Variants in PCDHGB1 observed in about 807,000 individuals in gnomAD.
PCDHGB1 encodes the protein protocadherin gamma-B1.
Under a neutral mutation model 56.6 loss-of-function variants are expected in PCDHGB1, and 34 were observed. The observed-to-expected ratio is 0.60, with a 90% CI of 0.46 to 0.80. The LOEUF is 0.80. Ranked by LOEUF, PCDHGB1 falls within the 30% of genes least tolerant of loss-of-function variation. The pLI, the probability that PCDHGB1 is intolerant of heterozygous loss-of-function variation, is 0.00. For synonymous variants in PCDHGB1, 561 were observed against 505.9 expected (o/e 1.11, Z -1.46); for missense variants, 1,278 against 1,204.6 (o/e 1.06, Z -0.90).
At chr5:141,418,894 A>G (rs200182481) in intron 1 of PCDHGB1, 2 of 1,614,004 alleles carry the variant, frequency 1.2e-6, no homozygotes, top group East Asian at 4.5e-5. Context: ...ACAACAGCCC[A>G]GAAATAATCA....
At chr5:141,492,216 C>T (rs1163022229) in intron 1 of PCDHGB1, among the ~76,000 whole-genome samples, 1 of 152,140 alleles carries the variant, frequency 6.6e-6, no homozygotes, top group Non-Finnish European at 1.5e-5. Context: ...GCGCGGGGCT[C>T]ATGCGTGTCC....
intron 1 of PCDHGB1, among the ~76,000 whole-genome samples, chr5:141,456,306 G>A (rs937409031): frequency 4.6e-5 from 7 of 152,158 alleles, no homozygotes; most frequent in Admixed American, 2.6e-4. Context: ...GAGAACAGCA[G>A]CTAGGGCTCC....
chr5:141,471,080 C>T (rs2099249652), intron 1 of PCDHGB1, among the ~76,000 whole-genome samples: 1 of 147,610 alleles, frequency 6.8e-6, no homozygotes, highest in African/African-American at 2.5e-5. Context: ...ACAGGGTCTC[C>T]CTCTGTTGTC....
chr5:141,478,420 C>A, intron 1 of PCDHGB1: 1 of 1,613,676 alleles, frequency 6.2e-7, no homozygotes, highest in Non-Finnish European at 8.5e-7. Context: ...ACTCCCGCCG[C>A]AGCGACCCGC....
chr5:141,420,336 T>C, intron 1 of PCDHGB1: 1 of 1,399,186 alleles, frequency 7.1e-7, no homozygotes, highest in East Asian at 2.5e-5. Flanking sequence ...TATTCCAATA[T>C]AGTGGTATTA....
chr5:141,489,900 A>G lies in PCDHGB1; in HGVS notation c.2410-4907A>G, dbSNP rs963522810. The stretch of plus-strand genomic sequence containing the variant: ...TTACTGCTGTGGATGGGGGGACCCC[A>G]GCCCGCTCAGGGACCACCCTTATCT... On this transcript the variant is annotated intron_variant, in intron 1 of 3. Transcript: ENST00000523390. The surrounding 1 kb of genome is among the most constrained non-coding windows in gnomAD (Gnocchi z 4.5). The G allele has an allele frequency of 1.9e-6, 3 of 1,614,254 alleles. No homozygotes were observed. The highest frequency in any genetic ancestry group is 1.7e-5 in the Admixed American group (1 of 60,026).
At chr5:141,478,483 G>A in intron 1 of PCDHGB1, 13 of 1,613,548 alleles carry the variant, frequency 8.1e-6, no homozygotes, top group Non-Finnish European at 1.1e-5. Flanking sequence ...AGAACACGCT[G>A]CGGAGCTGTG....
At position 141,455,301 on chromosome 5, in the gene PCDHGB1, T is replaced by G. The variant is rs192443408; in HGVS notation, c.2410-39506T>G. Among the ~76,000 whole-genome samples, 191 of 152,308 alleles carry G rather than the reference T, an allele frequency of 1.3e-3. 1 individual carries two copies. Among genetic ancestry groups the G allele is most frequent in the African/African-American group, 4.4e-3 (181 of 41,566 alleles). On this transcript the variant is annotated intron_variant, in intron 1 of 3. Transcript: ENST00000523390. ...AACATCACTTTACATAGTTTCATCT[T>G]GCATTAGCAATTTTGTGTGTGTGTT...
Position 141,387,642 on chromosome 5 carries a change from C to G in PCDHGB1, c.2409+34973C>G, listed in dbSNP as rs554256672. The G allele has an allele frequency of 4.8e-6, 3 of 622,368 alleles. No homozygotes were observed. In the Admixed American group the frequency reaches 1.0e-4, roughly 21 times the overall value. The allele number at this position is 622,368 out of a possible 1,614,324, so 38.6% of individuals were successfully genotyped here. A position where few individuals can be genotyped will look rare whatever the true frequency, so the allele number is the denominator to read the frequency against. On this transcript the variant is annotated intron_variant, in intron 1 of 3. Transcript: ENST00000523390. Reference sequence around the variant, plus strand: ...TGCTGACTCTGGGCGCCGCTGTTGGCCAAAGTGGAGAGCTTGGCGCTCCAG... The same window carrying G: ...TGCTGACTCTGGGCGCCGCTGTTGGGCAAAGTGGAGAGCTTGGCGCTCCAG...
intron 1 of PCDHGB1, chr5:141,372,773 T>A: frequency 6.2e-7 from 1 of 1,610,720 alleles, no homozygotes; most frequent in East Asian, 2.2e-5. Flanking sequence ...GTAATGACAA[T>A]CCAGAAATGC....
At chr5:141,428,750 C>G (rs1282306626) in intron 1 of PCDHGB1, 1 of 154,730 alleles carries the variant, frequency 6.5e-6, no homozygotes, top group African/African-American at 2.4e-5. Flanking sequence ...ACTATTGCTT[C>G]AGGTTTGTTT....
At chr5:141,479,023 GT>G (rs1436478867) in intron 1 of PCDHGB1, among the ~76,000 whole-genome samples, 1 of 152,056 alleles carries the variant, frequency 6.6e-6, no homozygotes, top group Non-Finnish European at 1.5e-5. Context: ...ATTTTCCTTT[GT>G]TTATACAGAT....
intron 1 of PCDHGB1, chr5:141,362,563 T>C: frequency 6.2e-7 from 1 of 1,608,274 alleles, no homozygotes; most frequent in Non-Finnish European, 8.5e-7. Context: ...GAAGGTGAGC[T>C]TTAATTAATT....
At chr5:141,362,524 G>GGGGT in intron 1 of PCDHGB1, 1 of 1,613,964 alleles carries the variant, frequency 6.2e-7, no homozygotes, top group Non-Finnish European at 8.5e-7. Flanking sequence ...TGGAGCCGCT[G>GGGGT]GGGTCCCTTT....
Position 141,432,292 on chromosome 5 carries a change from T to C in PCDHGB1, c.2410-62515T>C, listed in dbSNP as rs1339412798. 2 of 1,614,078 alleles carry C rather than the reference T, an allele frequency of 1.2e-6. No individual in the cohort carries two copies. The highest frequency in any genetic ancestry group is 2.2e-5 in the East Asian group (1 of 44,888). On this transcript the variant is annotated intron_variant, in intron 1 of 3. Coordinates refer to ENST00000523390, the MANE Select transcript of PCDHGB1 (RefSeq NM_018922.3). The surrounding 1 kb of genome is among the most constrained non-coding windows in gnomAD (Gnocchi z 6.0). ...CCTACGTGTCCATCAACTCCGACAC[T>C]GGGGTACTGTATGCGCTGAGCTCCT...
intron 1 of PCDHGB1, among the ~76,000 whole-genome samples, chr5:141,464,885 G>T (rs1592925315): frequency 6.6e-6 from 1 of 152,020 alleles, no homozygotes; most frequent in East Asian, 1.9e-4. Flanking sequence ...ACTACAGATG[G>T]ATGCCACCAT....
At chr5:141,362,053 C>T in intron 1 of PCDHGB1, 4 of 1,611,724 alleles carry the variant, frequency 2.5e-6, no homozygotes, top group Non-Finnish European at 3.4e-6. Flanking sequence ...CGCGGCCCGC[C>T]AGCGCCTGCT....
intron 1 of PCDHGB1, chr5:141,423,114 A>G: frequency 1.9e-6 from 3 of 1,613,848 alleles, no homozygotes; most frequent in Non-Finnish European, 1.7e-6. Context: ...AGGTGCGTAC[A>G]GCGCGGGCAC....
chr5:141,418,313 A>G (rs750036471), intron 1 of PCDHGB1: 2 of 1,614,038 alleles, frequency 1.2e-6, no homozygotes, highest in Middle Eastern at 1.6e-4. Context: ...GGGGATGGGA[A>G]CAATTCTTGA....
Sources: gnomAD v4.1 joint callset for allele counts (sites outside exome capture counted in the v4.1 genomes callset) on GRCh38, gnomAD v4.1.1 for gene constraint, Gnocchi (gnomAD v3.1) non-coding constraint, MANE v1.5 for transcripts, NCBI Gene and HGNC (gene_info 2026-07-23, HGNC 2026-07-21) for gene names.